Variants in CDK18 observed in about 807,000 individuals in gnomAD.
CDK18 encodes the protein cyclin-dependent kinase 18.
CDK18 carries 52 observed loss-of-function variants against 62.0 expected under a neutral mutation model. The ratio of observed to expected loss-of-function variants is 0.84; its 90% confidence interval spans 0.67 to 1.06. The LOEUF (loss-of-function observed/expected upper bound fraction) is 1.06. Among genes scored for constraint, CDK18 ranks in the 50% least tolerant of loss-of-function variants. The pLI, the probability that CDK18 is intolerant of heterozygous loss-of-function variation, is 0.00. For missense variants in CDK18, 604 were observed against 619.9 expected, an observed-to-expected ratio of 0.97 and a Z score of 0.27; for synonymous variants, 237 against 247.0, an observed-to-expected ratio of 0.96 and a Z score of 0.38.
At chr1:205,523,096 G>T in intron 1 of CDK18, 51 bp from the exon 2 acceptor site, 1 of 1,544,100 alleles carries the variant, frequency 6.5e-7, no homozygotes. Context: ...TGGAGACCTG[G>T]ACTGGTTGCC....
In CDK18 at chr1:205,527,655, TG is replaced by T. The variant is rs1420908467; in HGVS notation, c.730-134del. 1.4e-5 allele frequency: 11 copies of T among 791,158 alleles called. No individual in the cohort carries two copies. The Admixed American group carries it at 1.8e-4, about 13-fold the overall frequency. The allele number at this position is 791,158 out of a possible 1,614,324, so 49.0% of individuals were successfully genotyped here. A position where few individuals can be genotyped will look rare whatever the true frequency, so the allele number is the denominator to read the frequency against. On this transcript the variant is annotated intron_variant, in intron 8 of 15. Transcript: ENST00000429964. This position sits in a 1 kb window ranked among gnomAD's most constrained non-coding sequence, Gnocchi z 4.1. ...TCCCTGGTGTGGGTGGGGTCCAGGATGGGGGCTGCAGGGTGTGCAGGAGAAT... is the reference window on the plus strand; with the variant it reads ...TCCCTGGTGTGGGTGGGGTCCAGGATGGGGCTGCAGGGTGTGCAGGAGAAT...
Position 205,527,520 on chromosome 1 carries a change from T to A in CDK18, c.730-274T>A. On this transcript the variant is annotated intron_variant, in intron 8 of 15. Transcript: ENST00000429964. The surrounding 1 kb of genome is among the most constrained non-coding windows in gnomAD (Gnocchi z 4.1). ...AAAAAAGGGATCAAGCACATATGTC[T>A]CCACATAGGCGGGCATCCTGACCCC... 2 of 385,968 alleles carry A rather than the reference T, an allele frequency of 5.2e-6. No individual in the cohort carries two copies. The highest frequency in any genetic ancestry group is 4.7e-6 in the Non-Finnish European group (1 of 211,902). 23.9% of individuals were successfully genotyped at this position (385,968 alleles called of 1,614,324 possible).
chr1:205,530,561 TG>T, intron 14 of CDK18, 66 bp from the exon 15 acceptor site: 1 of 1,453,594 alleles, frequency 6.9e-7, no homozygotes, highest in Non-Finnish European at 9.6e-7. Flanking sequence ...TTGGTCCTTC[TG>T]GGCCAGTCCT....
chr1:205,526,019 A>G (rs1668403616), intron 5 of CDK18, 46 bp from the exon 6 acceptor site: 1 of 1,427,212 alleles, frequency 7.0e-7, no homozygotes, highest in Non-Finnish European at 9.7e-7. Flanking sequence ...GACAGAGGCC[A>G]GCAGCACCTG....
intron 1 of CDK18, among the ~76,000 whole-genome samples, chr1:205,515,807 A>C (rs578123018): frequency 6.6e-6 from 1 of 152,318 alleles, no homozygotes; most frequent in East Asian, 1.9e-4. Flanking sequence ...CTGAGCAGAC[A>C]TCCAACAGGT....
At chr1:205,510,664 A>C (rs1297033812) in intron 1 of CDK18, among the ~76,000 whole-genome samples, 1 of 152,120 alleles carries the variant, frequency 6.6e-6, no homozygotes, top group Admixed American at 6.5e-5. Flanking sequence ...GTCCCTTCCA[A>C]CCCTGCACAA....
At chr1:205,524,868 C>CTCG (rs987436625) in intron 4 of CDK18, among the ~76,000 whole-genome samples, 40 of 152,214 alleles carry the variant, frequency 2.6e-4, no homozygotes, top group Non-Finnish European at 4.3e-4. Flanking sequence ...TCTGGAGGAG[C>CTCG]TCGTGGTCTC....
Position 205,523,581 on chromosome 1 carries a change from G to A in CDK18, c.229G>A (p.Val77Met), listed in dbSNP as rs370868675. The stretch of plus-strand genomic sequence containing the variant: ...GGAGCCGGGGCAGCTCTCCCCTGGC[G>A]TGCAGTTCCAGCGGCGGCAGAACCA... ...GEEPGQLSPG[V>M]QFQRRQNQRR... The change falls in exon 3 of 16, where the codon GTG becomes ATG. Residue 77 changes from valine to methionine, a missense_variant. By Grantham distance (21) the Val-to-Met change is conservative. Coordinates refer to ENST00000429964, the MANE Select transcript of CDK18 (RefSeq NM_212502.3). The A allele has an allele frequency of 2.8e-5, 45 of 1,596,088 alleles. No homozygotes were observed. The highest frequency in any genetic ancestry group is 1.7e-4 in the African/African-American group (13 of 74,760).
chr1:205,510,984 A>G (rs1481713227), intron 1 of CDK18, among the ~76,000 whole-genome samples: 1 of 152,216 alleles, frequency 6.6e-6, no homozygotes, highest in Non-Finnish European at 1.5e-5. Flanking sequence ...GGGCAAGGAA[A>G]TCCTGGAATG....
Position 205,527,851 on chromosome 1 carries a change from C to A in CDK18, c.787C>A (p.His263Asn). 6.2e-7 allele frequency: 1 copy of A among 1,614,094 alleles called. No homozygotes were observed. The highest frequency in any genetic ancestry group is 1.3e-5 in the African/African-American group (1 of 75,028). The change falls in exon 9 of 16, where the codon CAC (histidine) becomes AAC (asparagine). Residue 263 changes from histidine (H) to asparagine (N), a missense_variant. His to Asn is a moderately conservative substitution (Grantham distance 68). Transcript: ENST00000429964. This position sits in a 1 kb window ranked among gnomAD's most constrained non-coding sequence, Gnocchi z 4.1. ...LAYCHHRKIL[H>N]RDLKPQNLLI... ...CTACTGTCACCACCGCAAGATCCTG[C>A]ACCGGGACCTGAAGCCCCAGAACCT...
At chr1:205,526,549 G>T (rs1339479469) in intron 7 of CDK18, 88 bp downstream of exon 7, 4 of 1,126,808 alleles carry the variant, frequency 3.5e-6, no homozygotes, top group Non-Finnish European at 5.4e-6. Flanking sequence ...GGGAGTGGGA[G>T]TAGTGGGATG....
At chr1:205,522,147 C>T (rs1469520779) in intron 1 of CDK18, among the ~76,000 whole-genome samples, 1 of 152,112 alleles carries the variant, frequency 6.6e-6, no homozygotes, top group Non-Finnish European at 1.5e-5. Flanking sequence ...GGAGGGTCTG[C>T]AGGAAGAAGC....
intron 1 of CDK18, among the ~76,000 whole-genome samples, chr1:205,513,198 C>A (rs553109813): frequency 1.3e-5 from 2 of 152,328 alleles, no homozygotes; most frequent in South Asian, 4.1e-4. Flanking sequence ...TGGGGAAGGA[C>A]CTTCCTTGAG....
At chr1:205,508,722 T>C (rs1017815375) in intron 1 of CDK18, among the ~76,000 whole-genome samples, 1 of 152,118 alleles carries the variant, frequency 6.6e-6, no homozygotes. Context: ...CACGCGCCTG[T>C]AGTCCCAGCT....
At position 205,527,512 on chromosome 1, in the gene CDK18, C is replaced by T. The variant is rs542776672; in HGVS notation, c.730-282C>T. The T allele has an allele frequency of 1.0e-3, 379 of 367,330 alleles. No individual in the cohort carries two copies. The highest frequency in any genetic ancestry group is 7.4e-3 in the African/African-American group (357 of 48,236). The allele number at this position is 367,330 out of a possible 1,614,324, so 22.8% of individuals were successfully genotyped here. On this transcript the variant is annotated intron_variant, in intron 8 of 15. Transcript: ENST00000429964. This position sits in a 1 kb window ranked among gnomAD's most constrained non-coding sequence, Gnocchi z 4.1. ...AAAAAAAAAAAAAAGGGATCAAGCA[C>T]ATATGTCTCCACATAGGCGGGCATC...
In CDK18 at chr1:205,532,100, C is replaced by G. The variant is rs1463207243; in HGVS notation, c.*722C>G. The G allele has an allele frequency of 2.0e-5, 3 of 153,122 alleles. No homozygotes were observed. The highest frequency in any genetic ancestry group is 6.5e-5 in the Admixed American group (1 of 15,288). 9.5% of individuals were successfully genotyped at this position (153,122 alleles called of 1,614,324 possible). On this transcript the variant is annotated 3_prime_UTR_variant, in exon 16 of 16. Coordinates refer to ENST00000429964, the MANE Select transcript of CDK18 (RefSeq NM_212502.3). ...GTGTCCAGAGGTGGCCTGGGACCGC[C>G]AGTTGCACGCCTGCCACCTCAGCCA...
chr1:205,523,574 C>T lies in CDK18; in HGVS notation c.222C>T (p.Ser74=), dbSNP rs1377143400. 6.3e-7 allele frequency: 1 copy of T among 1,598,506 alleles called. No individual in the cohort carries two copies. Among genetic ancestry groups the T allele is most frequent in the Non-Finnish European group, 8.5e-7 (1 of 1,172,972 alleles). ...GCGGGGAGGAGCCGGGGCAGCTCTC[C>T]CCTGGCGTGCAGTTCCAGCGGCGGC... is the stretch of plus-strand genomic sequence containing the variant. The part of the protein sequence containing the change: ...TDSGEEPGQL[S]PGVQFQRRQN... The change falls in exon 3 of 16, where the codon TCC becomes TCT. Residue 74 remains serine, a synonymous_variant. Coordinates refer to ENST00000429964, the MANE Select transcript of CDK18 (RefSeq NM_212502.3).
rs1384476297 is a variant in CDK18, at chr1:205,528,065, T to A, written c.871T>A (p.Ser291Thr). Reference protein sequence around the residue: ...LADFGLARAKSVPTKTYSNEV... With the variant: ...LADFGLARAKTVPTKTYSNEV... ...GCCCCCAGGACTGGCCAGGGCCAAG[T>A]CAGTGCCCACAAAGACTTACTCCAA... The change falls in exon 10 of 16, where the codon TCA (serine) becomes ACA (threonine). Residue 291 changes from serine (S) to threonine (T), a missense_variant. Ser to Thr is a moderately conservative substitution (Grantham distance 58). Coordinates refer to ENST00000429964, the MANE Select transcript of CDK18 (RefSeq NM_212502.3). The surrounding 1 kb of genome is among the most constrained non-coding windows in gnomAD (Gnocchi z 4.2). The A allele has an allele frequency of 3.7e-6, 6 of 1,614,034 alleles. No individual in the cohort carries two copies. In the Admixed American group the frequency reaches 8.3e-5, roughly 22 times the overall value.
chr1:205,525,041 A>G, intron 4 of CDK18, 98 bp from the exon 5 acceptor site: 2 of 719,270 alleles, frequency 2.8e-6, no homozygotes. Context: ...ATGGAGTCTC[A>G]TCCCTTCCCT....
Sources: gnomAD v4.1 joint callset for allele counts (sites outside exome capture counted in the v4.1 genomes callset) on GRCh38, gnomAD v4.1.1 for gene constraint, Gnocchi (gnomAD v3.1) non-coding constraint, MANE v1.5 for transcripts, NCBI Gene and HGNC (gene_info 2026-07-23, HGNC 2026-07-21) for gene names.